The following MAP3K5 variants were observed in gnomAD, a reference collection of about 807,000 sequenced individuals.
MAP3K5 encodes mitogen-activated protein kinase kinase kinase 5.
A neutral mutation model predicts 158.7 loss-of-function variants in MAP3K5; 56 were observed. That is an observed-to-expected ratio of 0.35 (90% CI 0.28 to 0.44). The LOEUF is 0.44. Ranked by LOEUF, MAP3K5 falls within the 20% of genes least tolerant of loss-of-function variation. The probability of loss-of-function intolerance (pLI) is 1.00; values close to 1 mark genes in which losing one functional copy is unlikely to be tolerated. For missense variants in MAP3K5, 1,294 were observed against 1,674.8 expected (o/e 0.77, Z 3.97); for synonymous variants, 579 against 601.7 (o/e 0.96, Z 0.55).
chr6:136,673,708 T>C (rs955644611), intron 7 of MAP3K5, among the ~76,000 whole-genome samples: 4 of 91,164 alleles, frequency 4.4e-5, no homozygotes, highest in Non-Finnish European at 8.8e-5. Flanking sequence ...AGCAGAGATA[T>C]AGAAAAAAAA....
At chr6:136,734,928 G>T (rs1455794736) in intron 1 of MAP3K5, among the ~76,000 whole-genome samples, 1 of 152,192 alleles carries the variant, frequency 6.6e-6, no homozygotes, top group East Asian at 1.9e-4. Context: ...GTTGATTTGT[G>T]ATAATTTTTG....
chr6:136,694,374 T>C, intron 6 of MAP3K5, 64 bp from the exon 7 acceptor site: 2 of 1,315,632 alleles, frequency 1.5e-6, no homozygotes, highest in Middle Eastern at 1.9e-4. Flanking sequence ...AATTCTTTTT[T>C]AAAAACCCTA....
At chr6:136,653,753 G>A (rs73777950) in intron 10 of MAP3K5, among the ~76,000 whole-genome samples, 3,717 of 152,200 alleles carry the variant, frequency 0.024, 156 homozygotes, top group African/African-American at 0.085. Flanking sequence ...ACAATCAAGC[G>A]GTTAATCCTA....
At position 136,786,599 on chromosome 6, in the gene MAP3K5, G is replaced by A. The variant is rs189224316; in HGVS notation, c.448+5111C>T. ...ATGAATTTTCATAAAAGCATTGACA[G>A]AGCATTAGCTTCACCTCAGAAAGAA... is the stretch of plus-strand genomic sequence containing the variant. On this transcript the variant is annotated intron_variant, in intron 1 of 29. Coordinates refer to ENST00000359015, the MANE Select transcript of MAP3K5 (RefSeq NM_005923.4). Among the ~76,000 whole-genome samples, 1,282 of 152,176 alleles carry A rather than the reference G, an allele frequency of 8.4e-3. 11 individuals carry two copies. The highest frequency in any genetic ancestry group is 0.015 in the Non-Finnish European group (991 of 68,014).
intron 7 of MAP3K5, among the ~76,000 whole-genome samples, chr6:136,686,393 A>G (rs1018741904): frequency 3.3e-5 from 5 of 152,230 alleles, no homozygotes. Flanking sequence ...CACCACTCCT[A>G]TTCAACATAG....
In MAP3K5 at chr6:136,696,071, T is replaced by C. The variant is rs1780588973; in HGVS notation, c.976-14A>G. ...AGAATCATAGTCCTTTCAAATTAGA[T>C]GAGAATAGCACAGAATTAAACCATT... On this transcript the variant is annotated splice_polypyrimidine_tract_variant and intron_variant, in intron 5 of 29. Coordinates refer to ENST00000359015, the MANE Select transcript of MAP3K5 (RefSeq NM_005923.4). 6.2e-6 allele frequency: 9 copies of C among 1,453,076 alleles called. No individual in the cohort carries two copies. The highest frequency in any genetic ancestry group is 8.7e-6 in the Non-Finnish European group (9 of 1,035,606). 90.0% of individuals were successfully genotyped at this position (1,453,076 alleles called of 1,614,324 possible).
At chr6:136,724,618 A>G (rs1018613357) in intron 1 of MAP3K5, among the ~76,000 whole-genome samples, 10 of 152,218 alleles carry the variant, frequency 6.6e-5, no homozygotes, top group Non-Finnish European at 1.5e-4. Flanking sequence ...AAACAGGAAC[A>G]GATCCATTTC....
chr6:136,645,161 G>A (rs1778191449), intron 11 of MAP3K5, among the ~76,000 whole-genome samples: 1 of 152,004 alleles, frequency 6.6e-6, no homozygotes, highest in Non-Finnish European at 1.5e-5. Flanking sequence ...TTGAACTCCT[G>A]GCCTCAAGCA....
At chr6:136,722,314 AACAAATTTAAAAGAAGATAATTTCTT>A (rs1425848224) in intron 1 of MAP3K5, among the ~76,000 whole-genome samples, 1 of 152,242 alleles carries the variant, frequency 6.6e-6, no homozygotes. Flanking sequence ...GTTAATATAT[AACAAATTTAAAAGAAGATAATTTCTT>A]AAAAATATAT....
intron 14 of MAP3K5, among the ~76,000 whole-genome samples, chr6:136,626,005 A>C (rs960246506): frequency 6.6e-6 from 1 of 152,214 alleles, no homozygotes; most frequent in Non-Finnish European, 1.5e-5. Context: ...AAACAAACTC[A>C]CTGAGATATG....
intron 2 of MAP3K5, among the ~76,000 whole-genome samples, chr6:136,719,407 T>TA (rs1156309806): frequency 1.3e-5 from 2 of 151,910 alleles, no homozygotes; most frequent in Admixed American, 6.6e-5. Flanking sequence ...TGCTCTAGGA[T>TA]AAAAAAACAG....
chr6:136,698,142 A>G (rs1350598362), intron 4 of MAP3K5, among the ~76,000 whole-genome samples: 1 of 152,244 alleles, frequency 6.6e-6, no homozygotes, highest in African/African-American at 2.4e-5. Flanking sequence ...AAGAACAATT[A>G]GAGTTAAGAG....
intron 7 of MAP3K5, among the ~76,000 whole-genome samples, chr6:136,675,226 A>T (rs975465660): frequency 6.6e-6 from 1 of 152,112 alleles, no homozygotes; most frequent in Non-Finnish European, 1.5e-5. Flanking sequence ...GCAGATATAG[A>T]AATCTACAAT....
intron 14 of MAP3K5, among the ~76,000 whole-genome samples, chr6:136,633,037 C>G (rs1277514434): frequency 1.3e-5 from 2 of 152,012 alleles, no homozygotes; most frequent in Non-Finnish European, 2.9e-5. Flanking sequence ...TTTGAAATAA[C>G]CTTGTACAAT....
chr6:136,725,351 T>C (rs1219853984), intron 1 of MAP3K5, among the ~76,000 whole-genome samples: 1 of 152,214 alleles, frequency 6.6e-6, no homozygotes, highest in Admixed American at 6.5e-5. Context: ...CTGTCCAACA[T>C]CTTTGTCAGC....
At chr6:136,702,198 C>T (rs183556210) in intron 3 of MAP3K5, among the ~76,000 whole-genome samples, 1 of 151,578 alleles carries the variant, frequency 6.6e-6, no homozygotes, top group African/African-American at 2.4e-5. Flanking sequence ...TTTCAATTTC[C>T]CATTGCCAAT....
intron 1 of MAP3K5, among the ~76,000 whole-genome samples, chr6:136,757,173 G>A (rs920516225): frequency 3.9e-5 from 6 of 152,148 alleles, no homozygotes; most frequent in Non-Finnish European, 1.5e-5. Context: ...CTGGGACGTG[G>A]GGCAAGAGCC....
chr6:136,637,536 T>C, intron 13 of MAP3K5, 130 bp from the exon 14 acceptor site: 1 of 567,836 alleles, frequency 1.8e-6, no homozygotes, highest in East Asian at 2.9e-5. Flanking sequence ...AATAACACAC[T>C]ATCAAGATCA....
chr6:136,583,217 A>G (rs1056249758), intron 24 of MAP3K5, among the ~76,000 whole-genome samples: 3 of 152,260 alleles, frequency 2.0e-5, no homozygotes, highest in Non-Finnish European at 4.4e-5. Flanking sequence ...ATATAGCATT[A>G]GAAAATGTAT....
Sources: gnomAD v4.1 joint callset for allele counts (sites outside exome capture counted in the v4.1 genomes callset) on GRCh38, gnomAD v4.1.1 for gene constraint, MANE v1.5 for transcripts, NCBI Gene and HGNC (gene_info 2026-07-23, HGNC 2026-07-21) for gene names.